HORMAD2: variants seen among roughly 807,000 people sequenced by gnomAD.
The protein encoded by HORMAD2 is HORMA domain containing 2.
Under a neutral mutation model 38.8 loss-of-function variants are expected in HORMAD2, and 45 were observed. The ratio of observed to expected loss-of-function variants is 1.16; its 90% CI spans 0.91 to 1.49. The LOEUF (loss-of-function observed/expected upper bound fraction) is 1.49. Among genes scored for constraint, HORMAD2 ranks in the 40% most tolerant of loss-of-function variants. HORMAD2 has a pLI of 0.00. For synonymous variants in HORMAD2, 126 were observed against 122.8 expected (o/e 1.03, Z -0.17); for missense variants, 338 against 367.0 (o/e 0.92, Z 0.65).
At chr22:30,155,050 G>A (rs905290578) in intron 10 of HORMAD2, among the ~76,000 whole-genome samples, 5 of 151,150 alleles carry the variant, frequency 3.3e-5, no homozygotes, top group Non-Finnish European at 5.9e-5. Flanking sequence ...TCCAGCCTGG[G>A]TGACAAAGTG....
At chr22:30,079,722 C>A (rs1209127759), upstream of HORMAD2, among the ~76,000 whole-genome samples, 1 of 152,154 alleles carries the variant, frequency 6.6e-6, no homozygotes, top group African/African-American at 2.4e-5. Context: ...CTCTGTCGCC[C>A]AGGCTGGAGT....
chr22:30,202,206 C>T, the HORMAD2 span, among the ~76,000 whole-genome samples: 1 of 152,124 alleles, frequency 6.6e-6, no homozygotes, highest in Non-Finnish European at 1.5e-5. Context: ...CAATAACAGG[C>T]ATATGAAAGA....
rs1156881149 is a variant in HORMAD2, at chr22:30,176,094, A to G, written c.851A>G (p.Gln284Arg). The change falls in exon 11 of 11, where the codon CAA becomes CGA. Residue 284 changes from glutamine to arginine, a missense_variant. Physicochemically the swap from Gln to Arg is conservative, Grantham distance 43 (BLOSUM62 1). Transcript: ENST00000336726. Reference sequence around the variant, plus strand: ...AGAATGAATTTTGTGTGCAGTCAGCAAAGTTCTGAGTGCTCCAGGAAGAAG... The same window carrying G: ...AGAATGAATTTTGTGTGCAGTCAGCGAAGTTCTGAGTGCTCCAGGAAGAAG... ...IQRMNFVCSQ[Q>R]SSECSRKKRK... 3 of 1,613,336 alleles carry G rather than the reference A, an allele frequency of 1.9e-6. No homozygotes were observed. The highest frequency in any genetic ancestry group is 2.5e-6 in the Non-Finnish European group (3 of 1,179,420).
chr22:30,121,852 A>G, intron 9 of HORMAD2, 63 bp downstream of exon 9: 1 of 1,551,152 alleles, frequency 6.4e-7, no homozygotes, highest in Non-Finnish European at 8.7e-7. Flanking sequence ...CTATAAGTAA[A>G]AGGATTTTGC....
chr22:30,125,211 C>CTTTTTTTTTTTTTTT (rs1569099734), intron 10 of HORMAD2, among the ~76,000 whole-genome samples: 2 of 46,592 alleles, frequency 4.3e-5, no homozygotes, highest in Admixed American at 2.3e-4. Flanking sequence ...CTTTCTTTTT[C>CTTTTTTTTTTTTTTT]TTTTCTTTTT....
upstream of HORMAD2, among the ~76,000 whole-genome samples, chr22:30,079,376 T>C (rs1315224427): frequency 6.6e-6 from 1 of 152,264 alleles, no homozygotes; most frequent in African/African-American, 2.4e-5. Flanking sequence ...ATTTATGTTT[T>C]ATTTGCATAA....
intron 3 of HORMAD2, among the ~76,000 whole-genome samples, chr22:30,103,167 G>A (rs1429867526): frequency 6.6e-6 from 1 of 152,040 alleles, no homozygotes; most frequent in African/African-American, 2.4e-5. Flanking sequence ...GCAAAGAAAG[G>A]ACACAAATTG....
the HORMAD2 span, among the ~76,000 whole-genome samples, chr22:30,182,239 C>T: frequency 4.6e-5 from 7 of 152,174 alleles, no homozygotes; most frequent in Admixed American, 4.6e-4. Context: ...GTCTTTCTCA[C>T]AGAGCTATTG....
chr22:30,089,355 CTTTT>C (rs749436345), intron 1 of HORMAD2, among the ~76,000 whole-genome samples: 1 of 140,220 alleles, frequency 7.1e-6, no homozygotes, highest in Non-Finnish European at 1.6e-5. Flanking sequence ...GCTGCTGCTT[CTTTT>C]TTTTTTTTTT....
chr22:30,108,835 A>G (rs981279927), intron 5 of HORMAD2, among the ~76,000 whole-genome samples: 47 of 152,314 alleles, frequency 3.1e-4, no homozygotes, highest in African/African-American at 1.1e-3. Context: ...AAATGGCCAC[A>G]CAGTGGCAGT....
the HORMAD2 span, among the ~76,000 whole-genome samples, chr22:30,183,075 C>G: frequency 2.6e-5 from 4 of 152,116 alleles, no homozygotes; most frequent in Non-Finnish European, 5.9e-5. Flanking sequence ...ACAAATGGCT[C>G]ATATACTGTT....
chr22:30,174,459 C>T (rs768285336), intron 10 of HORMAD2, among the ~76,000 whole-genome samples: 1 of 152,046 alleles, frequency 6.6e-6, no homozygotes, highest in African/African-American at 2.4e-5. Flanking sequence ...TTTTTCAGCC[C>T]ACAAATTTTC....
chr22:30,147,510 A>G (rs1341633737), intron 10 of HORMAD2, among the ~76,000 whole-genome samples: 1 of 152,172 alleles, frequency 6.6e-6, no homozygotes, highest in Non-Finnish European at 1.5e-5. Context: ...TAAAATTATA[A>G]AACTTCTGGA....
intron 1 of HORMAD2, among the ~76,000 whole-genome samples, chr22:30,087,523 T>C (rs2068591389): frequency 6.6e-6 from 1 of 152,140 alleles, no homozygotes; most frequent in African/African-American, 2.4e-5. Flanking sequence ...TGTTCTTGCA[T>C]TGCTATAAAG....
At chr22:30,202,809 C>T in the HORMAD2 span, among the ~76,000 whole-genome samples, 3 of 152,194 alleles carry the variant, frequency 2.0e-5, no homozygotes, top group South Asian at 4.1e-4. Context: ...TGTTTTCAGC[C>T]GAACCAGACC....
At chr22:30,124,748 T>C (rs1470945427) in intron 10 of HORMAD2, among the ~76,000 whole-genome samples, 3 of 152,208 alleles carry the variant, frequency 2.0e-5, no homozygotes, top group Non-Finnish European at 4.4e-5. Context: ...TAAACATTCA[T>C]GTACATACCT....
chr22:30,130,651 C>T (rs1397189692), intron 10 of HORMAD2, among the ~76,000 whole-genome samples: 3 of 142,236 alleles, frequency 2.1e-5, no homozygotes, highest in Non-Finnish European at 3.0e-5. Flanking sequence ...AGGGCAGTGA[C>T]GCGATCTCGG....
At chr22:30,144,945 G>A (rs5753022) in intron 10 of HORMAD2, among the ~76,000 whole-genome samples, 6,160 of 152,174 alleles carry the variant, frequency 0.04, 361 homozygotes, top group South Asian at 0.22. Flanking sequence ...TGGGAGAGAG[G>A]GAGGCTTGTG....
intron 10 of HORMAD2, among the ~76,000 whole-genome samples, chr22:30,153,063 C>T (rs1412723330): frequency 6.6e-6 from 1 of 151,150 alleles, no homozygotes; most frequent in Non-Finnish European, 1.5e-5. Flanking sequence ...GAACAAGTTT[C>T]TCTACCCAGT....
Sources: gnomAD v4.1 joint callset for allele counts (sites outside exome capture counted in the v4.1 genomes callset) on GRCh38, gnomAD v4.1.1 for gene constraint, MANE v1.5 for transcripts, NCBI Gene and HGNC (gene_info 2026-07-23, HGNC 2026-07-21) for gene names.